RBM19: variants seen among roughly 807,000 people sequenced by gnomAD.
RBM19 encodes the protein probable RNA-binding protein 19.
A neutral mutation model predicts 116.8 loss-of-function variants in RBM19; 94 were observed. That is an observed-to-expected ratio of 0.80 (90% CI 0.68 to 0.95). The LOEUF (loss-of-function observed/expected upper bound fraction) is 0.95, where lower values mean the gene tolerates loss of function less well. RBM19 is among the 40% of genes least tolerant of loss of function. The pLI is 0.00. For synonymous variants in RBM19, 475 were observed against 494.1 expected (o/e 0.96, Z 0.51); for missense variants, 1,161 against 1,220.7 (o/e 0.95, Z 0.73).
In RBM19 at chr12:113,952,529, G is replaced by A; in HGVS notation, c.983C>T (p.Ala328Val). ...GATCTTACCTGTTTTATTCCCATGA[G>A]CGTTTCTCACAATTCGAATGGCCAC... ...KPVAIRIVRNAHGNKTGYIFV... is the reference protein window; with the variant it reads ...KPVAIRIVRNVHGNKTGYIFV... The change falls in exon 8 of 24, where the codon GCT becomes GTT. Residue 328 changes from alanine to valine, a missense_variant. Coordinates refer to ENST00000261741, the MANE Select transcript of RBM19 (RefSeq NM_016196.4). 2 of 1,613,696 alleles carry A rather than the reference G, an allele frequency of 1.2e-6. No homozygotes were observed. Among genetic ancestry groups the A allele is most frequent in the Non-Finnish European group, 1.7e-6 (2 of 1,179,682 alleles).
intron 22 of RBM19, among the ~76,000 whole-genome samples, chr12:113,848,903 T>C (rs1290792306): frequency 2.0e-5 from 3 of 152,208 alleles, no homozygotes; most frequent in Non-Finnish European, 4.4e-5. Context: ...GAAGGCCTTC[T>C]TAGCATGGAT....
chr12:113,888,031 T>A (rs1281521406), intron 21 of RBM19, among the ~76,000 whole-genome samples: 1 of 152,130 alleles, frequency 6.6e-6, no homozygotes, highest in Non-Finnish European at 1.5e-5. Flanking sequence ...TCATCCCAAC[T>A]TTTTACAAGT....
intron 1 of RBM19, among the ~76,000 whole-genome samples, chr12:113,963,570 G>A (rs1317273680): frequency 1.3e-5 from 2 of 152,176 alleles, no homozygotes; most frequent in Non-Finnish European, 1.5e-5. Context: ...ACATTTTATA[G>A]AGAAAATGAA....
intron 23 of RBM19, 104 bp from the exon 24 acceptor site, chr12:113,823,425 C>A: frequency 1.0e-6 from 1 of 967,256 alleles, no homozygotes; most frequent in South Asian, 1.4e-5. Context: ...GAGAGATGAG[C>A]AGAACAAGGG....
At chr12:113,820,117 C>G (rs1874315890), downstream of RBM19, among the ~76,000 whole-genome samples, 1 of 151,966 alleles carries the variant, frequency 6.6e-6, no homozygotes, top group Admixed American at 6.6e-5. Context: ...GATCAGGAGT[C>G]TGTCTCCCTC....
At chr12:113,849,920 G>T (rs967942125) in intron 22 of RBM19, among the ~76,000 whole-genome samples, 7 of 152,198 alleles carry the variant, frequency 4.6e-5, no homozygotes, top group African/African-American at 1.7e-4. Context: ...CAAATGGGTG[G>T]CACTTCTGGG....
Position 113,920,687 on chromosome 12 carries a change from A to G in RBM19, c.2309T>C (p.Val770Ala), listed in dbSNP as rs748992034. ...AAATCCAAACCCCATGGAAAGGAGC[A>G]CTCCTGAGAGAGAGAGGTGGAAATC... ...SISKKKNKAGVLLSMGFGFVE... is the reference protein window; with the variant it reads ...SISKKKNKAGALLSMGFGFVE... Residue 770 changes from valine (V) to alanine (A), a missense_variant, in exon 19 of 24, where the codon GTG (valine) becomes GCG (alanine). Physicochemically the swap from Val to Ala is moderately conservative, Grantham distance 64 (BLOSUM62 0). Transcript: ENST00000261741. 6.2e-7 allele frequency: 1 copy of G among 1,613,518 alleles called. No individual in the cohort carries two copies. Among genetic ancestry groups the G allele is most frequent in the Non-Finnish European group, 8.5e-7 (1 of 1,179,606 alleles).
intron 16 of RBM19, among the ~76,000 whole-genome samples, chr12:113,935,980 G>A (rs977245598): frequency 6.6e-5 from 10 of 152,058 alleles, no homozygotes; most frequent in African/African-American, 2.4e-4. Context: ...AGGTTGCAGT[G>A]AGCCAAGATC....
chr12:113,832,637 T>C (rs1456455374), intron 23 of RBM19, among the ~76,000 whole-genome samples: 1 of 151,988 alleles, frequency 6.6e-6, no homozygotes, highest in Non-Finnish European at 1.5e-5. Flanking sequence ...CTTCAACACC[T>C]CTGGAGGAAG....
intron 16 of RBM19, among the ~76,000 whole-genome samples, chr12:113,927,585 A>T (rs1869203726): frequency 1.0e-5 from 1 of 97,746 alleles, no homozygotes; most frequent in Admixed American, 9.8e-5. Context: ...ATTTTTCCTC[A>T]AAAAACAAAA....
At chr12:113,860,838 A>T (rs12231525) in intron 21 of RBM19, among the ~76,000 whole-genome samples, 28,171 of 152,092 alleles carry the variant, frequency 0.19, 2,876 homozygotes, top group East Asian at 0.36. Context: ...CTTGCTCATC[A>T]CTGGACCTGT....
chr12:113,902,595 T>A (rs1246933725), intron 21 of RBM19, among the ~76,000 whole-genome samples: 3 of 85,508 alleles, frequency 3.5e-5, no homozygotes, highest in South Asian at 5.0e-4. Context: ...TGAGACCCAG[T>A]CTCAAAAAAA....
intron 21 of RBM19, among the ~76,000 whole-genome samples, chr12:113,861,343 G>T (rs1565981519): frequency 1.3e-5 from 2 of 152,174 alleles, no homozygotes; most frequent in Admixed American, 6.5e-5. Context: ...AGGCAAGGTG[G>T]GGGTAGACCG....
intron 13 of RBM19, among the ~76,000 whole-genome samples, chr12:113,943,482 C>T (rs1327829811): frequency 7.2e-6 from 1 of 139,760 alleles, no homozygotes; most frequent in Non-Finnish European, 1.6e-5. Flanking sequence ...AAAAAGACTA[C>T]AATAGCTTGC....
Position 113,919,802 on chromosome 12 carries a change from A to G in RBM19, c.2385+809T>C, listed in dbSNP as rs1003734016. On this transcript the variant is annotated intron_variant, in intron 19 of 23. Coordinates refer to ENST00000261741, the MANE Select transcript of RBM19 (RefSeq NM_016196.4). ...CCCTGTTCTCCCCACCTTCTCCCCA[A>G]CTGGCCAAGCCTGGATGACTCAAGG... Among the ~76,000 whole-genome samples the G allele has an allele frequency of 3.3e-5, 5 of 151,744 alleles. No homozygotes were observed. The East Asian group carries it at 7.8e-4, about 24-fold the overall frequency.
intron 18 of RBM19, among the ~76,000 whole-genome samples, chr12:113,922,233 C>T (rs776254948): frequency 7.2e-5 from 11 of 152,316 alleles, no homozygotes; most frequent in Non-Finnish European, 1.6e-4. Flanking sequence ...TGTGGGCTCC[C>T]TTAGCCCAGC....
intron 21 of RBM19, among the ~76,000 whole-genome samples, chr12:113,884,228 G>A (rs1880365375): frequency 6.7e-6 from 1 of 150,138 alleles, no homozygotes; most frequent in African/African-American, 2.5e-5. Flanking sequence ...AGCTGCAGTA[G>A]TCCATTATAG....
intron 21 of RBM19, among the ~76,000 whole-genome samples, chr12:113,876,761 A>T (rs971998623): frequency 6.6e-6 from 1 of 152,156 alleles, no homozygotes; most frequent in Non-Finnish European, 1.5e-5. Flanking sequence ...ACTGCACTAC[A>T]GCCTAGGTGA....
At chr12:113,828,222 T>C (rs971338172) in intron 23 of RBM19, among the ~76,000 whole-genome samples, 5 of 151,950 alleles carry the variant, frequency 3.3e-5, no homozygotes, top group African/African-American at 4.8e-5. Flanking sequence ...CAGTGACTAA[T>C]GTTCAAAAAC....
Sources: gnomAD v4.1 joint callset for allele counts (sites outside exome capture counted in the v4.1 genomes callset) on GRCh38, gnomAD v4.1.1 for gene constraint, MANE v1.5 for transcripts, NCBI Gene and HGNC (gene_info 2026-07-23, HGNC 2026-07-21) for gene names.